HTT: variants seen among roughly 807,000 people sequenced by gnomAD.
HTT encodes the protein huntington disease protein.
HTT carries 104 observed loss-of-function variants against 362.3 expected under a neutral mutation model. That is an observed-to-expected ratio of 0.29 (90% CI 0.24 to 0.34). The LOEUF (loss-of-function observed/expected upper bound fraction) is 0.34. HTT is among the 10% of genes least tolerant of loss of function. The pLI, the probability that HTT is intolerant of heterozygous loss-of-function variation, is 1.00. For missense variants in HTT, 3,301 were observed against 3,928.6 expected, an observed-to-expected ratio of 0.84 and a Z score of 4.27; for synonymous variants, 1,577 against 1,548.7, an observed-to-expected ratio of 1.02 and a Z score of -0.43.
At chr4:3,138,103 T>TCCTTCCTC (rs1221392719) in intron 21 of HTT, among the ~76,000 whole-genome samples, 7 of 150,536 alleles carry the variant, frequency 4.7e-5, no homozygotes, top group African/African-American at 1.7e-4. Flanking sequence ...CTTCCTTCTT[T>TCCTTCCTC]CCTTCCTCCC....
chr4:3,144,821 A>T (rs1239867539), intron 23 of HTT, among the ~76,000 whole-genome samples: 1 of 152,176 alleles, frequency 6.6e-6, no homozygotes, highest in African/African-American at 2.4e-5. Context: ...GGGTTTCTGC[A>T]GGCTGGTCAG....
chr4:3,199,185 GA>G (rs998172635), intron 40 of HTT, among the ~76,000 whole-genome samples: 6 of 152,222 alleles, frequency 3.9e-5, no homozygotes, highest in African/African-American at 1.4e-4. Context: ...TGGCATTGCC[GA>G]CCAATGTGGA....
At chr4:3,177,703 GA>G (rs745789930) in intron 34 of HTT, among the ~76,000 whole-genome samples, 25 of 152,206 alleles carry the variant, frequency 1.6e-4, no homozygotes, top group Non-Finnish European at 3.1e-4. Context: ...TCTTCTTAGA[GA>G]AAGCAGTTTT....
chr4:3,095,175 C>T (rs938682899), intron 2 of HTT, among the ~76,000 whole-genome samples: 4 of 152,208 alleles, frequency 2.6e-5, no homozygotes, highest in East Asian at 3.8e-4. Context: ...CCAAGGCAGG[C>T]GGCTGGGAGG....
chr4:3,108,750 A>C (rs1039619062), intron 6 of HTT, among the ~76,000 whole-genome samples: 3 of 152,140 alleles, frequency 2.0e-5, no homozygotes, highest in Non-Finnish European at 1.5e-5. Flanking sequence ...TGGTTATTCA[A>C]ATTTATTATC....
At chr4:3,100,520 G>C (rs1714100289) in intron 3 of HTT, among the ~76,000 whole-genome samples, 1 of 152,142 alleles carries the variant, frequency 6.6e-6, no homozygotes, top group Non-Finnish European at 1.5e-5. Flanking sequence ...CCCTAGAGTG[G>C]TCACTGTCTT....
rs545472689 is a variant in HTT, at chr4:3,127,685, C to T, written c.1743+81C>T. 110 of 1,033,150 alleles carry T rather than the reference C, an allele frequency of 1.1e-4. 1 individual carries two copies. The highest frequency in any genetic ancestry group is 7.9e-4 in the South Asian group (50 of 63,170). The allele number at this position is 1,033,150 out of a possible 1,614,324, so 64.0% of individuals were successfully genotyped here. On this transcript the variant is annotated intron_variant, in intron 12 of 66. Coordinates refer to ENST00000355072, the MANE Select transcript of HTT (RefSeq NM_001388492.1). ...TCTCACTCCATAGTGCAGTGGAGGCCGGGCACAGGGGCTCATGCCTGTAAT... is the reference window on the plus strand; with the variant it reads ...TCTCACTCCATAGTGCAGTGGAGGCTGGGCACAGGGGCTCATGCCTGTAAT...
intron 33 of HTT, among the ~76,000 whole-genome samples, chr4:3,176,058 C>T (rs1038736089): frequency 2.1e-5 from 3 of 142,570 alleles, no homozygotes; most frequent in African/African-American, 5.5e-5. Flanking sequence ...GATGGAGTCT[C>T]GCTCTGTCAC....
At chr4:3,129,252 A>G (rs1435019027) in intron 12 of HTT, 2 of 152,236 alleles carry the variant, frequency 1.3e-5, no homozygotes, top group Non-Finnish European at 2.9e-5. Context: ...TCTGCTTTCC[A>G]TTTTTTTGGC....
intron 25 of HTT, 98 bp downstream of exon 25, chr4:3,147,046 G>A (rs1290670194): frequency 3.3e-5 from 39 of 1,183,158 alleles, no homozygotes; most frequent in Non-Finnish European, 4.4e-5. Context: ...AATACTATAA[G>A]GTCATTGCCA....
At chr4:3,234,678 A>C (rs1377693443) in intron 61 of HTT, among the ~76,000 whole-genome samples, 1 of 152,186 alleles carries the variant, frequency 6.6e-6, no homozygotes, top group African/African-American at 2.4e-5. Context: ...TGACCTCAGC[A>C]CCATGGGCAG....
intron 6 of HTT, among the ~76,000 whole-genome samples, chr4:3,109,142 A>C (rs1714594782): frequency 6.6e-6 from 1 of 152,014 alleles, no homozygotes; most frequent in African/African-American, 2.4e-5. Context: ...TTCCCTTCCT[A>C]CTTTTTCTCT....
At chr4:3,076,953 G>C (rs1424214091) in intron 1 of HTT, among the ~76,000 whole-genome samples, 1 of 152,136 alleles carries the variant, frequency 6.6e-6, no homozygotes, top group African/African-American at 2.4e-5. Flanking sequence ...CTAGGTGGAC[G>C]AATCACCTGA....
At chr4:3,116,607 G>T (rs1262272778) in intron 8 of HTT, among the ~76,000 whole-genome samples, 1 of 152,192 alleles carries the variant, frequency 6.6e-6, no homozygotes, top group East Asian at 1.9e-4. Context: ...GATAGGGGCT[G>T]GGTATACAAT....
At chr4:3,226,141 G>GT (rs1213407828) in intron 57 of HTT, among the ~76,000 whole-genome samples, 1 of 152,106 alleles carries the variant, frequency 6.6e-6, no homozygotes, top group African/African-American at 2.4e-5. Context: ...GGTATGGGGG[G>GT]CCGCAGGCGT....
chr4:3,109,237 T>A (rs1319234546), intron 6 of HTT, among the ~76,000 whole-genome samples: 1 of 152,128 alleles, frequency 6.6e-6, no homozygotes, highest in Admixed American at 6.6e-5. Flanking sequence ...TTTCTTTTTT[T>A]TTCTTTGAGA....
At chr4:3,207,545 G>T (rs931508806) in intron 45 of HTT, among the ~76,000 whole-genome samples, 188 bp downstream of exon 45, 1 of 152,212 alleles carries the variant, frequency 6.6e-6, no homozygotes, top group Non-Finnish European at 1.5e-5. Context: ...AAGAGTAAAG[G>T]ATGACCGGCA....
At position 3,130,289 on chromosome 4, in the gene HTT, T is replaced by G. The variant is rs1715743264; in HGVS notation, c.1868-16T>G. The stretch of plus-strand genomic sequence containing the variant: ...TGGAAATTTGTCACTTAATCTTGAT[T>G]TCTCTGTTTTTAAAGCCCTTCAACA... On this transcript the variant is annotated splice_polypyrimidine_tract_variant and intron_variant, in intron 13 of 66. Coordinates refer to ENST00000355072, the MANE Select transcript of HTT (RefSeq NM_001388492.1). 6.9e-7 allele frequency: 1 copy of G among 1,439,170 alleles called. No individual in the cohort carries two copies. 89.2% of individuals were successfully genotyped at this position (1,439,170 alleles called of 1,614,324 possible).
At chr4:3,158,378 T>G (rs1351148530) in intron 28 of HTT, among the ~76,000 whole-genome samples, 1 of 152,204 alleles carries the variant, frequency 6.6e-6, no homozygotes, top group East Asian at 1.9e-4. Flanking sequence ...TCTTCTTTAT[T>G]GATTTTGGGA....
Sources: gnomAD v4.1 joint callset for allele counts (sites outside exome capture counted in the v4.1 genomes callset) on GRCh38, gnomAD v4.1.1 for gene constraint, MANE v1.5 for transcripts, NCBI Gene and HGNC (gene_info 2026-07-23, HGNC 2026-07-21) for gene names.